DDX25: variants seen among roughly 807,000 people sequenced by gnomAD.
DDX25 encodes ATP-dependent RNA helicase DDX25.
In DDX25, 70 loss-of-function variants were observed where a neutral mutation model predicts 64.6. That is an observed-to-expected ratio of 1.08 (90% CI 0.89 to 1.32). The LOEUF (loss-of-function observed/expected upper bound fraction) is 1.32. Ranked by LOEUF, DDX25 falls within the 40% of genes most tolerant of loss-of-function variation. DDX25 has a pLI of 0.00. For synonymous variants in DDX25, 211 were observed against 213.3 expected, an observed-to-expected ratio of 0.99 and a Z score of 0.09; for missense variants, 587 against 604.4, an observed-to-expected ratio of 0.97 and a Z score of 0.30.
At chr11:125,915,375 CTCT>C (rs1295065442) in intron 8 of DDX25, among the ~76,000 whole-genome samples, 2 of 152,136 alleles carry the variant, frequency 1.3e-5, no homozygotes, top group South Asian at 2.1e-4. Context: ...ATCAAAATAT[CTCT>C]TCAACAAGTT....
At chr11:125,916,988 T>G (rs1591519861) in intron 8 of DDX25, 26 bp from the exon 9 acceptor site, 1 of 1,560,974 alleles carries the variant, frequency 6.4e-7, no homozygotes, top group Non-Finnish European at 8.7e-7. Context: ...GGCAGCTTGG[T>G]GACAGCCTTC....
Position 125,908,446 on chromosome 11 carries a change from A to T in DDX25, c.450A>T (p.Thr150=), listed in dbSNP as rs1469026254. ...AGAGCCAGTCTGGAACAGGAAAGAC[A>T]GCGGCATTTGTGTTGGCAATGTTAA... ...IAQSQSGTGK[T]AAFVLAMLSR... Residue 150 remains threonine (T), a synonymous_variant, in exon 6 of 12, where the codon ACA becomes ACT. Transcript: ENST00000263576. The T allele has an allele frequency of 6.2e-7, 1 of 1,613,912 alleles. No homozygotes were observed. Among genetic ancestry groups the T allele is most frequent in the Non-Finnish European group, 8.5e-7 (1 of 1,179,910 alleles).
In DDX25 at chr11:125,906,087, T is replaced by A; in HGVS notation, c.189T>A (p.Ala63=). ...DDEEDVVDLA[A]NSLLNKLIHQ... The stretch of plus-strand genomic sequence containing the variant: ...TTGCTTTTCTAGTGGATTTGGCAGC[T>A]AATTCACTCTTAAACAAGTTAATCC... Residue 63 remains alanine (A), a synonymous_variant, in exon 4 of 12, where the codon GCT becomes GCA. Transcript: ENST00000263576. 1 of 1,532,314 alleles carries A rather than the reference T, an allele frequency of 6.5e-7. No homozygotes were observed. Among genetic ancestry groups the A allele is most frequent in the Non-Finnish European group, 8.8e-7 (1 of 1,142,390 alleles). The allele number at this position is 1,532,314 out of a possible 1,614,324, so 94.9% of individuals were successfully genotyped here.
intron 3 of DDX25, 37 bp from the exon 4 acceptor site, chr11:125,906,037 A>G: frequency 6.6e-7 from 1 of 1,517,972 alleles, no homozygotes; most frequent in Non-Finnish European, 8.8e-7. Flanking sequence ...GTCATTCAGG[A>G]AGCTTGATGT....
Position 125,925,589 on chromosome 11 carries a change from C to A in DDX25, c.*2708C>A. Reference sequence around the variant, plus strand: ...GAAACACCAGGTGATTTCAGTGCAACTGTGAGCTGGGTTCATCAGCTGTAT... The same window carrying A: ...GAAACACCAGGTGATTTCAGTGCAAATGTGAGCTGGGTTCATCAGCTGTAT... On this transcript the variant is annotated 3_prime_UTR_variant, in exon 12 of 12. Transcript: ENST00000263576. 1 of 404,198 alleles carries A rather than the reference C, an allele frequency of 2.5e-6. No individual in the cohort carries two copies. The allele number at this position is 404,198 out of a possible 1,614,324, so 25.0% of individuals were successfully genotyped here. A position where few individuals can be genotyped will look rare whatever the true frequency, so the allele number is the denominator to read the frequency against.
rs1465216382 is a variant in DDX25 at position 125,925,527 on chromosome 11, A to C, written c.*2646A>C. 1 of 454,974 alleles carries C rather than the reference A, an allele frequency of 2.2e-6. No individual in the cohort carries two copies. Among genetic ancestry groups the C allele is most frequent in the East Asian group, 7.0e-5 (1 of 14,352 alleles). The allele number at this position is 454,974 out of a possible 1,614,324, so 28.2% of individuals were successfully genotyped here. ...TGGCCTGGCCAAGGTCATCTCTCTC[A>C]GTGCCTGCCTGAGGACAGAGTAGAT... is the stretch of plus-strand genomic sequence containing the variant. On this transcript the variant is annotated 3_prime_UTR_variant, in exon 12 of 12. Transcript: ENST00000263576.
rs1014149490 is a variant in DDX25, at chr11:125,910,418, G to T, written c.562G>T (p.Glu188Ter). The stretch of plus-strand genomic sequence containing the variant: ...GGCTCTGCAAACTGGCCGTGTGGTT[G>T]AGCAGATGGGAAAATTCTGTGTGGA... ...ELALQTGRVV[E>*]QMGKFCVDVQ... is the part of the protein sequence containing the mutation. The change falls in exon 7 of 12, where the codon GAG becomes TAG. Residue 188 changes from glutamate (E) to a stop codon, truncating the protein, a stop_gained. Transcript: ENST00000263576. LOFTEE classifies it high-confidence loss of function. The T allele has an allele frequency of 1.1e-5, 17 of 1,613,882 alleles. No homozygotes were observed. The highest frequency in any genetic ancestry group is 1.3e-5 in the Non-Finnish European group (15 of 1,179,906).
rs866580031 is a variant in DDX25 at position 125,906,125 on chromosome 11, T to C, written c.227T>C (p.Val76Ala). The C allele has an allele frequency of 1.3e-6, 2 of 1,551,284 alleles. No individual in the cohort carries two copies. Among genetic ancestry groups the C allele is most frequent in the Non-Finnish European group, 8.7e-7 (1 of 1,146,870 alleles). The change falls in exon 4 of 12, where the codon GTA (valine) becomes GCA (alanine). Residue 76 changes from valine to alanine, a missense_variant. Physicochemically the swap from Val to Ala is moderately conservative, Grantham distance 64. Transcript: ENST00000263576. Reference protein sequence around the residue: ...LLNKLIHQSLVESSHRVEVLQ... With the variant: ...LLNKLIHQSLAESSHRVEVLQ... ...AACAAGTTAATCCATCAATCCTTAG[T>C]AGAATCCAGTCACCGTGTGGAAGTT... is the stretch of plus-strand genomic sequence containing the variant.
rs529032600 is a variant in DDX25, at chr11:125,909,362, A to G, written c.507+859A>G. 4.6e-5 allele frequency among the ~76,000 whole-genome samples: 7 copies of G among 152,318 alleles called. No individual in the cohort carries two copies. The South Asian group carries it at 1.5e-3, about 32-fold the overall frequency. ...TATGTAGGATAAGTTATGTTGGAGC[A>G]CATTTTGAAAAATGTGTGGGAAAGA... On this transcript the variant is annotated intron_variant, in intron 6 of 11. Coordinates refer to ENST00000263576, the MANE Select transcript of DDX25 (RefSeq NM_013264.5).
intron 8 of DDX25, 89 bp from the exon 9 acceptor site, chr11:125,916,925 C>T (rs764959974): frequency 1.2e-5 from 15 of 1,261,734 alleles, no homozygotes; most frequent in African/African-American, 8.9e-5. Flanking sequence ...AACAGGGGTG[C>T]GTGCAGCGGC....
intron 4 of DDX25, among the ~76,000 whole-genome samples, chr11:125,907,516 G>A (rs1944909492): frequency 6.6e-6 from 1 of 152,122 alleles, no homozygotes; most frequent in South Asian, 2.1e-4. Context: ...GCTGAGGCAG[G>A]AGAATGGCGT....
chr11:125,911,434 CA>C lies in DDX25; in HGVS notation c.747del (p.Asp250MetfsTer2). The stretch of plus-strand genomic sequence containing the variant: ...ATTCGTGTGTTTGTCCTGGATGAAG[CA>C]GATGTGATGATTGACACTCAAGGAT... Reference protein sequence around the residue: ...TKIRVFVLDEADVMIDTQGFS... With the variant: ...TKIRVFVLDEXDVMIDTQGFS... On this transcript the variant is annotated frameshift_variant, in exon 8 of 12. Coordinates refer to ENST00000263576, the MANE Select transcript of DDX25 (RefSeq NM_013264.5). LOFTEE classifies it high-confidence loss of function. 1 of 1,613,916 alleles carries C rather than the reference CA, an allele frequency of 6.2e-7. No homozygotes were observed. The highest frequency in any genetic ancestry group is 8.5e-7 in the Non-Finnish European group (1 of 1,179,856).
At chr11:125,920,310 A>G (rs1409564907) in intron 10 of DDX25, among the ~76,000 whole-genome samples, 1 of 152,070 alleles carries the variant, frequency 6.6e-6, no homozygotes, top group Admixed American at 6.5e-5. Context: ...GGTGATGGGC[A>G]CCTGTAATCC....
At chr11:125,904,360 C>G, upstream of DDX25, 1 of 610,762 alleles carries the variant, frequency 1.6e-6, no homozygotes, top group Non-Finnish European at 2.4e-6. Flanking sequence ...CCGCGCGCCA[C>G]CCAGCCTTCC....
chr11:125,926,337 A>C lies in DDX25; in HGVS notation c.*3456A>C, dbSNP rs1392882377. 6.6e-6 allele frequency: 1 copy of C among 152,184 alleles called. No individual in the cohort carries two copies. Among genetic ancestry groups the C allele is most frequent in the Non-Finnish European group, 1.5e-5 (1 of 68,048 alleles). The allele number at this position is 152,184 out of a possible 1,614,324, so 9.4% of individuals were successfully genotyped here. A position where few individuals can be genotyped will look rare whatever the true frequency, so the allele number is the denominator to read the frequency against. On this transcript the variant is annotated 3_prime_UTR_variant, in exon 12 of 12. Transcript: ENST00000263576. ...TCTTCAATCCTAACCCTCTCACTTC[A>C]ACTCTCCACTACTTCTGGGGAATAA...
rs538107069 is a variant in DDX25, at chr11:125,911,387, A to G, written c.699A>G (p.Leu233=). Residue 233 remains leucine (L), a synonymous_variant, in exon 8 of 12, where the codon CTA becomes CTG. Coordinates refer to ENST00000263576, the MANE Select transcript of DDX25 (RefSeq NM_013264.5). ...PGTVLDWCFK[L]KLIDLTKIRV... is the part of the protein sequence containing the mutation. The stretch of plus-strand genomic sequence containing the variant: ...CTGTCCTAGATTGGTGTTTTAAACT[A>G]AAATTGATTGATTTGACTAAGATTC... The G allele has an allele frequency of 6.2e-7, 1 of 1,613,900 alleles. No homozygotes were observed. The highest frequency in any genetic ancestry group is 1.7e-5 in the Admixed American group (1 of 60,024).
At position 125,922,877 on chromosome 11, in the gene DDX25, A is replaced by G. The variant is rs758209104; in HGVS notation, c.1448A>G (p.Tyr483Cys). Residue 483 changes from tyrosine (Y) to cysteine (C), a missense_variant, in exon 12 of 12, where the codon TAT (tyrosine) becomes TGT (cysteine). Transcript: ENST00000263576. ...ATGGATGAAATTGAAAAGATTGACT[A>G]TTGAAGAAAGAACTTTATTGTTTGT... ...EDMDEIEKID[Y>C] The G allele has an allele frequency of 3.1e-6, 5 of 1,606,688 alleles. No homozygotes were observed. The highest frequency in any genetic ancestry group is 4.3e-6 in the Non-Finnish European group (5 of 1,175,894).
At chr11:125,910,710 A>C (rs953359764) in intron 7 of DDX25, among the ~76,000 whole-genome samples, 2 of 152,216 alleles carry the variant, frequency 1.3e-5, no homozygotes, top group Admixed American at 1.3e-4. Context: ...ATCCTGCAAG[A>C]GGATGCCTTT....
chr11:125,920,636 G>A lies in DDX25; in HGVS notation c.1202-555G>A, dbSNP rs369253192. 9.9e-5 allele frequency among the ~76,000 whole-genome samples: 15 copies of A among 152,246 alleles called. No homozygotes were observed. In the South Asian group the frequency reaches 1.9e-3, roughly 19 times the overall value. On this transcript the variant is annotated intron_variant, in intron 10 of 11. Coordinates refer to ENST00000263576, the MANE Select transcript of DDX25 (RefSeq NM_013264.5). ...ACAATTTGGGCAGTGGGTTTTGAAC[G>A]TAAGTGTGCTGGACATTGCTGTGGT...
Sources: allele counts gnomAD v4.1 joint callset (sites outside exome capture counted in the v4.1 genomes callset), GRCh38; gene constraint gnomAD v4.1.1; transcripts MANE v1.5; gene names NCBI Gene and HGNC (gene_info 2026-07-23, HGNC 2026-07-21).